Variants in RGPD3 observed in about 807,000 individuals in gnomAD.
RGPD3 encodes ranBP2-like and GRIP domain-containing protein 3.
In RGPD3, 62 loss-of-function variants were observed where a neutral mutation model predicts 154.5. The ratio of observed to expected loss-of-function variants is 0.40; its 90% CI spans 0.33 to 0.50. The LOEUF (loss-of-function observed/expected upper bound fraction) is 0.50. RGPD3 is among the 20% of genes least tolerant of loss of function. The pLI is 0.59. For missense variants in RGPD3, 919 were observed against 1,716.8 expected, an observed-to-expected ratio of 0.54 and a Z score of 8.21; for synonymous variants, 308 against 607.0, an observed-to-expected ratio of 0.51 and a Z score of 7.24.
At position 106,403,518 on chromosome 2, in the gene RGPD3, T is replaced by C. The variant is rs1676422364; in HGVS notation, c.*1701A>G. 6.6e-6 allele frequency among the ~76,000 whole-genome samples: 1 copy of C among 152,218 alleles called. No homozygotes were observed. Among genetic ancestry groups the C allele is most frequent in the South Asian group, 2.1e-4 (1 of 4,836 alleles). ...ATCAATTTTTTATCATGCAAAAAAG[T>C]ATTTTGTTATGACATTTGTAAGTGG... On this transcript the variant is annotated 3_prime_UTR_variant, in exon 23 of 23. Transcript: ENST00000409886.
chr2:106,427,055 A>C (rs1266475521), intron 18 of RGPD3, among the ~76,000 whole-genome samples: 1 of 151,594 alleles, frequency 6.6e-6, no homozygotes, highest in Non-Finnish European at 1.5e-5. Context: ...AAAAGAAAAA[A>C]TAAAATATTA....
At chr2:106,418,459 G>A (rs922212639) in intron 20 of RGPD3, among the ~76,000 whole-genome samples, 1 of 152,036 alleles carries the variant, frequency 6.6e-6, no homozygotes, top group Non-Finnish European at 1.5e-5. Flanking sequence ...CTTCGTAATT[G>A]TTGCTGCTCA....
At chr2:106,460,575 C>T (rs1295433327) in intron 1 of RGPD3, among the ~76,000 whole-genome samples, 2 of 78,676 alleles carry the variant, frequency 2.5e-5, no homozygotes, top group Non-Finnish European at 4.9e-5. Flanking sequence ...AGGCTGGGTG[C>T]GGTGGCTCAC....
At chr2:106,412,321 T>TTTTTTTTTG (rs1553457622) in intron 22 of RGPD3, among the ~76,000 whole-genome samples, 73 of 100,020 alleles carry the variant, frequency 7.3e-4, no homozygotes, top group Non-Finnish European at 1.1e-3. Context: ...TTTTTTTTTT[T>TTTTTTTTTG]TTTTTTTTTT....
chr2:106,470,829 A>T, upstream of RGPD3: 3 of 1,604,598 alleles, frequency 1.9e-6, no homozygotes, highest in South Asian at 2.2e-5. Flanking sequence ...GAGTTTACTA[A>T]GAGGCTTTGG....
chr2:106,441,266 A>G lies in RGPD3; in HGVS notation c.1066+27T>C, dbSNP rs1225972358. ...AACAGAAATTCCTTTTTCTTTTTAAATTAAATTAGTTTAATATTACTATTA... is the reference window on the plus strand; with the variant it reads ...AACAGAAATTCCTTTTTCTTTTTAAGTTAAATTAGTTTAATATTACTATTA... On this transcript the variant is annotated intron_variant, in intron 8 of 22. Transcript: ENST00000409886. 3 of 1,505,852 alleles carry G rather than the reference A, an allele frequency of 2.0e-6. No homozygotes were observed. In the Admixed American group the frequency reaches 5.7e-5, roughly 28 times the overall value. 93.3% of individuals were successfully genotyped at this position (1,505,852 alleles called of 1,614,324 possible). A position where few individuals can be genotyped will look rare whatever the true frequency, so the allele number is the denominator to read the frequency against.
chr2:106,468,185 C>T lies in RGPD3; in HGVS notation c.72+32G>A, dbSNP rs749909974. 3.2e-6 allele frequency: 5 copies of T among 1,582,518 alleles called. No individual in the cohort carries two copies. In the African/African-American group the frequency reaches 5.4e-5, roughly 17 times the overall value. ...GGTCGAGGCCGCCGCCCGGCCAGGTCGAGGCCGTCGGTCTCTTCCAGACCC... is the reference window on the plus strand; with the variant it reads ...GGTCGAGGCCGCCGCCCGGCCAGGTTGAGGCCGTCGGTCTCTTCCAGACCC... On this transcript the variant is annotated intron_variant, in intron 1 of 22. Coordinates refer to ENST00000409886, the MANE Select transcript of RGPD3 (RefSeq NM_001144013.2).
At chr2:106,466,053 C>A (rs1236970905) in intron 1 of RGPD3, among the ~76,000 whole-genome samples, 1 of 151,902 alleles carries the variant, frequency 6.6e-6, no homozygotes, top group Non-Finnish European at 1.5e-5. Flanking sequence ...GGGAAGAAAC[C>A]CGCCGATACA....
At chr2:106,437,836 G>C (rs1332812992) in intron 9 of RGPD3, among the ~76,000 whole-genome samples, 1 of 152,032 alleles carries the variant, frequency 6.6e-6, no homozygotes, top group African/African-American at 2.4e-5. Flanking sequence ...TTAATACAGA[G>C]ACTATGGGAG....
chr2:106,463,104 A>T (rs1212858026), intron 1 of RGPD3, among the ~76,000 whole-genome samples: 1 of 151,976 alleles, frequency 6.6e-6, no homozygotes, highest in Non-Finnish European at 1.5e-5. Flanking sequence ...CTTTCAGAAA[A>T]CCTTTGTTAC....
At position 106,405,121 on chromosome 2, in the gene RGPD3, G is replaced by T; in HGVS notation, c.*98C>A. 1 of 1,558,184 alleles carries T rather than the reference G, an allele frequency of 6.4e-7. No homozygotes were observed. Among genetic ancestry groups the T allele is most frequent in the Non-Finnish European group, 8.8e-7 (1 of 1,142,834 alleles). The stretch of plus-strand genomic sequence containing the variant: ...TACACATGAACCATTTTTGTAAATA[G>T]ATTTTATTTGGTTAATAAAAACATT... On this transcript the variant is annotated 3_prime_UTR_variant, in exon 23 of 23. Transcript: ENST00000409886.
Position 106,409,871 on chromosome 2 carries a change from C to CTTTTT in RGPD3, c.5266+3208_5266+3212dup, listed in dbSNP as rs57602292. Among the ~76,000 whole-genome samples, 16 of 94,434 alleles carry CTTTTT rather than the reference C, an allele frequency of 1.7e-4. 1 individual carries two copies. The highest frequency in any genetic ancestry group is 2.9e-4 in the East Asian group (1 of 3,438). The allele number at this position is 94,434 out of a possible 152,430, so 62.0% of individuals were successfully genotyped here. A position where few individuals can be genotyped will look rare whatever the true frequency, so the allele number is the denominator to read the frequency against. ...TTCTTTTGAACTATCTTGTAGTTTACTTTTTTTTTTTTTTTTTTTTGAGAT... is the reference window on the plus strand; with the variant it reads ...TTCTTTTGAACTATCTTGTAGTTTACTTTTTTTTTTTTTTTTTTTTTTTTTGAGAT... On this transcript the variant is annotated intron_variant, in intron 22 of 22. Coordinates refer to ENST00000409886, the MANE Select transcript of RGPD3 (RefSeq NM_001144013.2).
At chr2:106,437,995 G>C (rs565033361) in intron 9 of RGPD3, among the ~76,000 whole-genome samples, 26 of 152,350 alleles carry the variant, frequency 1.7e-4, no homozygotes, top group East Asian at 9.7e-4. Flanking sequence ...GCAGCAGTGT[G>C]ATCTTGGCTC....
intron 1 of RGPD3, among the ~76,000 whole-genome samples, chr2:106,463,219 C>T (rs1160809225): frequency 6.8e-6 from 1 of 147,564 alleles, no homozygotes; most frequent in Non-Finnish European, 1.5e-5. Flanking sequence ...AATTCGATAA[C>T]CAAATGATCA....
At chr2:106,466,260 G>A (rs1468198491) in intron 1 of RGPD3, among the ~76,000 whole-genome samples, 6 of 152,002 alleles carry the variant, frequency 3.9e-5, no homozygotes, top group African/African-American at 1.2e-4. Context: ...GCTTGCAAGC[G>A]CCGCGCCGCC....
intron 18 of RGPD3, among the ~76,000 whole-genome samples, chr2:106,429,193 A>G (rs1677289627): frequency 6.6e-6 from 1 of 151,730 alleles, no homozygotes; most frequent in Admixed American, 6.6e-5. Context: ...TTAAAAACCC[A>G]GTATGATTCA....
intron 6 of RGPD3, among the ~76,000 whole-genome samples, chr2:106,448,942 T>A (rs865949641): frequency 1.3e-5 from 2 of 150,994 alleles, no homozygotes; most frequent in Admixed American, 6.6e-5. Context: ...CCACCCGCCT[T>A]GGCCTCCCAA....
At chr2:106,409,818 G>C (rs1332853907) in intron 22 of RGPD3, among the ~76,000 whole-genome samples, 1 of 120,430 alleles carries the variant, frequency 8.3e-6, no homozygotes, top group African/African-American at 3.1e-5. Context: ...CTTGTTTTTT[G>C]TTTCTCCCAT....
At chr2:106,462,593 T>C (rs1368616575) in intron 1 of RGPD3, among the ~76,000 whole-genome samples, 2 of 152,124 alleles carry the variant, frequency 1.3e-5, no homozygotes, top group East Asian at 3.8e-4. Flanking sequence ...TGCCACATCA[T>C]CGCTATCTTG....
Sources: gnomAD v4.1 joint callset for allele counts (sites outside exome capture counted in the v4.1 genomes callset) on GRCh38, gnomAD v4.1.1 for gene constraint, MANE v1.5 for transcripts, NCBI Gene and HGNC (gene_info 2026-07-23, HGNC 2026-07-21) for gene names.